SRC: variants seen among roughly 807,000 people sequenced by gnomAD.
The protein encoded by SRC is SRC proto-oncogene, non-receptor tyrosine kinase, also known as proto-oncogene tyrosine-protein kinase Src.
Under a neutral mutation model 62.9 loss-of-function variants are expected in SRC, and 13 were observed. The observed-to-expected ratio is 0.21, with a 90% CI of 0.13 to 0.33. The LOEUF (loss-of-function observed/expected upper bound fraction) is 0.33. SRC is among the 10% of genes least tolerant of loss of function. The pLI, the probability that SRC is intolerant of heterozygous loss-of-function variation, is 1.00. For synonymous variants in SRC, 302 were observed against 317.5 expected (o/e 0.95, Z 0.52); for missense variants, 457 against 737.3 (o/e 0.62, Z 4.40).
chr20:37,356,756 C>G (rs980515194), intron 1 of SRC, among the ~76,000 whole-genome samples: 3 of 152,120 alleles, frequency 2.0e-5, no homozygotes, highest in African/African-American at 7.2e-5. Flanking sequence ...GGCCTGATTG[C>G]CTCCATAAAG....
chr20:37,384,379 C>T lies in SRC; in HGVS notation c.226C>T (p.Pro76Ser), dbSNP rs775787758. 1 of 1,451,702 alleles carries T rather than the reference C, an allele frequency of 6.9e-7. No homozygotes were observed. Among genetic ancestry groups the T allele is most frequent in the Non-Finnish European group, 9.0e-7 (1 of 1,107,390 alleles). The allele number at this position is 1,451,702 out of a possible 1,614,324, so 89.9% of individuals were successfully genotyped here. A position where few individuals can be genotyped will look rare whatever the true frequency, so the allele number is the denominator to read the frequency against. Residue 76 changes from proline (P) to serine (S), a missense_variant, in exon 4 of 14, where the codon CCG becomes TCG. Pro to Ser is a moderately conservative substitution (Grantham distance 74). Around this residue, in one of 4 missense-constraint regions of SRC, gnomAD observed 132 missense variants for 135.4 expected, o/e 0.98. Transcript: ENST00000373578. This position sits in a 1 kb window ranked among gnomAD's most constrained non-coding sequence, Gnocchi z 6.7. ...GFNSSDTVTS[P>S]QRAGPLAGGV... ...CAACTCCTCGGACACCGTCACCTCC[C>T]CGCAGAGGGCGGGCCCGCTGGCCGG...
chr20:37,400,080 G>T, intron 9 of SRC, 35 bp from the exon 10 acceptor site: 1 of 1,551,716 alleles, frequency 6.4e-7, no homozygotes, highest in Non-Finnish European at 8.7e-7. Flanking sequence ...GAGTTGGGGG[G>T]CTCCACTGAG....
At chr20:37,377,354 G>A (rs1181469717) in intron 2 of SRC, among the ~76,000 whole-genome samples, 1 of 152,224 alleles carries the variant, frequency 6.6e-6, no homozygotes, top group African/African-American at 2.4e-5. Context: ...TAGCTACTAA[G>A]AAGTGCAGCC....
chr20:37,386,861 C>T (rs1431223641), intron 5 of SRC, among the ~76,000 whole-genome samples: 1 of 152,274 alleles, frequency 6.6e-6, no homozygotes, highest in Non-Finnish European at 1.5e-5. Context: ...GGAGACAGCA[C>T]ATGGCCCCAG....
chr20:37,389,969 G>A (rs2070520165), intron 5 of SRC, among the ~76,000 whole-genome samples: 1 of 152,184 alleles, frequency 6.6e-6, no homozygotes, highest in Non-Finnish European at 1.5e-5. Context: ...GCTTGATGCT[G>A]CTGTGACTGG....
At position 37,402,676 on chromosome 20, in the gene SRC, C is replaced by T; in HGVS notation, c.1271-73C>T. ...CCCAGTTTTTTCCTCAGCTGTCATT[C>T]CTCATGGTGCTTATCTAGCAGAGCG... On this transcript the variant is annotated intron_variant, in intron 12 of 13. Coordinates refer to ENST00000373578, the MANE Select transcript of SRC (RefSeq NM_198291.3). The surrounding 1 kb of genome is among the most constrained non-coding windows in gnomAD (Gnocchi z 6.2). 1.9e-6 allele frequency: 3 copies of T among 1,572,080 alleles called. No homozygotes were observed. Among genetic ancestry groups the T allele is most frequent in the Non-Finnish European group, 2.6e-6 (3 of 1,156,308 alleles).
chr20:37,387,170 G>A (rs959099573), intron 5 of SRC, among the ~76,000 whole-genome samples: 7 of 152,212 alleles, frequency 4.6e-5, no homozygotes, highest in African/African-American at 1.4e-4. Flanking sequence ...CCACTGCCCC[G>A]AGCGTGTCTG....
intron 7 of SRC, among the ~76,000 whole-genome samples, chr20:37,395,433 G>A (rs891496628): frequency 1.3e-5 from 2 of 152,224 alleles, no homozygotes; most frequent in African/African-American, 4.8e-5. Flanking sequence ...GATGCCATTT[G>A]GGCGTCTCTT....
intron 2 of SRC, among the ~76,000 whole-genome samples, chr20:37,366,565 T>TA (rs1474920818): frequency 6.6e-6 from 1 of 152,200 alleles, no homozygotes; most frequent in Non-Finnish European, 1.5e-5. Context: ...AGGCAGCAAC[T>TA]AATCTAGTTT....
At chr20:37,375,055 C>T (rs896546541) in intron 2 of SRC, among the ~76,000 whole-genome samples, 2 of 151,520 alleles carry the variant, frequency 1.3e-5, no homozygotes, top group African/African-American at 4.8e-5. Flanking sequence ...CTCAGCCTCT[C>T]GAGTAGCTGG....
chr20:37,363,307 C>T (rs2070006307), intron 1 of SRC, among the ~76,000 whole-genome samples: 2 of 152,216 alleles, frequency 1.3e-5, no homozygotes, highest in African/African-American at 4.8e-5. Context: ...CGTGCCTAGG[C>T]CAAGGGCCAG....
Position 37,406,028 on chromosome 20 carries a change from A to G in SRC, c.*2649A>G, listed in dbSNP as rs2070821776. 1.3e-5 allele frequency: 2 copies of G among 152,254 alleles called. No homozygotes were observed. Among genetic ancestry groups the G allele is most frequent in the Admixed American group, 1.3e-4 (2 of 15,280 alleles). The allele number at this position is 152,254 out of a possible 1,614,324, so 9.4% of individuals were successfully genotyped here. A position where few individuals can be genotyped will look rare whatever the true frequency, so the allele number is the denominator to read the frequency against. On this transcript the variant is annotated 3_prime_UTR_variant, in exon 14 of 14. Coordinates refer to ENST00000373578, the MANE Select transcript of SRC (RefSeq NM_198291.3). ...ACTCTGGCCACGACATTGCTTAATT[A>G]AAAACAAATTTCAAAAACTGGACAT...
chr20:37,391,398 TG>T (rs1276472211), intron 5 of SRC, among the ~76,000 whole-genome samples: 1 of 152,230 alleles, frequency 6.6e-6, no homozygotes. Flanking sequence ...CATGTGGCTT[TG>T]GGCAAATCAC....
chr20:37,359,777 G>A (rs1303693398), intron 1 of SRC, among the ~76,000 whole-genome samples: 1 of 152,146 alleles, frequency 6.6e-6, no homozygotes, highest in African/African-American at 2.4e-5. Flanking sequence ...TGGCTGCTGT[G>A]TGAAGAGCAG....
At chr20:37,363,624 C>T (rs554783202) in intron 1 of SRC, among the ~76,000 whole-genome samples, 28 of 152,316 alleles carry the variant, frequency 1.8e-4, no homozygotes, top group East Asian at 9.7e-4. Context: ...GCGTGAACCC[C>T]GGGCGGGAGG....
intron 1 of SRC, among the ~76,000 whole-genome samples, chr20:37,353,093 C>T (rs2069830660): frequency 6.6e-6 from 1 of 152,188 alleles, no homozygotes; most frequent in Non-Finnish European, 1.5e-5. Context: ...TTCCCAAGGG[C>T]ACAGCCCTTT....
intron 1 of SRC, among the ~76,000 whole-genome samples, chr20:37,350,242 G>A (rs2069782908): frequency 6.6e-6 from 1 of 152,210 alleles, no homozygotes; most frequent in Non-Finnish European, 1.5e-5. Context: ...CTTCATGCCT[G>A]AAGTAGGATA....
At chr20:37,372,210 T>TGTCGCTTAGGCTAGTCTTGAA (rs59050789) in intron 2 of SRC, among the ~76,000 whole-genome samples, 36,814 of 151,724 alleles carry the variant, frequency 0.24, 6,989 homozygotes, top group African/African-American at 0.53. Flanking sequence ...GATTTCACCA[T>TGTCGCTTAGGCTAGTCTTGAA]CTCCTGAGCT....
intron 4 of SRC, among the ~76,000 whole-genome samples, chr20:37,385,824 G>A (rs924933880): frequency 6.6e-6 from 1 of 152,242 alleles, no homozygotes; most frequent in African/African-American, 2.4e-5. Context: ...ACCCAGCACT[G>A]CCCAAAGCCC....
Sources: gnomAD v4.1 joint callset for allele counts (sites outside exome capture counted in the v4.1 genomes callset) on GRCh38, gnomAD v4.1.1 for gene constraint, gnomAD v4.1.1 regional missense constraint, Gnocchi (gnomAD v3.1) non-coding constraint, MANE v1.5 for transcripts, NCBI Gene and HGNC (gene_info 2026-07-23, HGNC 2026-07-21) for gene names.